The following ORC3 variants were observed in gnomAD, a reference collection of about 807,000 sequenced individuals.
ORC3 encodes the protein origin recognition complex subunit 3.
A neutral mutation model predicts 100.7 loss-of-function variants in ORC3; 78 were observed. That is an observed-to-expected ratio of 0.77 (90% CI 0.65 to 0.94). ORC3 has a LOEUF of 0.94. ORC3 is among the 40% of genes least tolerant of loss of function. The pLI is 0.00. For missense variants in ORC3, 789 were observed against 823.9 expected (o/e 0.96, Z 0.52); for synonymous variants, 295 against 289.3 (o/e 1.02, Z -0.20).
chr6:87,657,814 C>G, intron 15 of ORC3, 107 bp from the exon 16 acceptor site: 1 of 605,762 alleles, frequency 1.7e-6, no homozygotes, highest in East Asian at 2.6e-5. Flanking sequence ...TACATCCTGT[C>G]TTATGGAAAG....
chr6:87,650,895 T>C (rs1344446767), intron 13 of ORC3: 2 of 298,324 alleles, frequency 6.7e-6, no homozygotes, highest in Non-Finnish European at 1.3e-5. Flanking sequence ...TAATCACAGC[T>C]ACTCGGGAGG....
intron 12 of ORC3, among the ~76,000 whole-genome samples, chr6:87,635,885 TA>T (rs1230892628): frequency 6.6e-6 from 1 of 152,178 alleles, no homozygotes; most frequent in Non-Finnish European, 1.5e-5. Context: ...TTTCTTATTT[TA>T]AAATGACCAC....
intron 2 of ORC3, among the ~76,000 whole-genome samples, chr6:87,599,772 T>C (rs559920039): frequency 1.3e-5 from 2 of 148,814 alleles, no homozygotes; most frequent in South Asian, 4.7e-4. Flanking sequence ...GGTCAGGTGT[T>C]CAAGACCAGC....
At chr6:87,673,451 T>C in the ORC3 span, among the ~76,000 whole-genome samples, 1 of 152,062 alleles carries the variant, frequency 6.6e-6, no homozygotes, top group East Asian at 1.9e-4. Flanking sequence ...TGGCTAAATA[T>C]CCTATAATGC....
At chr6:87,616,192 A>C (rs1779139665) in intron 8 of ORC3, 122 bp from the exon 9 acceptor site, 1 of 439,168 alleles carries the variant, frequency 2.3e-6, no homozygotes, top group Non-Finnish European at 4.2e-6. Context: ...ACTAGCTATT[A>C]TTGCAGCTTT....
At chr6:87,648,221 A>C (rs1168839804) in intron 13 of ORC3, among the ~76,000 whole-genome samples, 2 of 151,818 alleles carry the variant, frequency 1.3e-5, no homozygotes, top group South Asian at 2.1e-4. Context: ...AAAACAAAAC[A>C]AAACAAAACC....
At chr6:87,637,510 A>T (rs1024897175) in intron 13 of ORC3, among the ~76,000 whole-genome samples, 2 of 152,210 alleles carry the variant, frequency 1.3e-5, no homozygotes, top group African/African-American at 4.8e-5. Context: ...AAAAATCCCA[A>T]TAAGATTTCT....
intron 4 of ORC3, 124 bp downstream of exon 4, chr6:87,603,652 C>G (rs1182048421): frequency 2.0e-6 from 1 of 501,418 alleles, no homozygotes; most frequent in East Asian, 3.0e-5. Flanking sequence ...CTTATTTGTA[C>G]AATTAAACCA....
chr6:87,635,128 G>A (rs1767715758), intron 12 of ORC3, among the ~76,000 whole-genome samples, 167 bp downstream of exon 12: 1 of 152,090 alleles, frequency 6.6e-6, no homozygotes, highest in South Asian at 2.1e-4. Context: ...AATTGATATT[G>A]TTTTTTTGTT....
In ORC3 at chr6:87,590,139, G is replaced by A. The variant is rs1215905465; in HGVS notation, c.-30G>A. ...CGAGGGCGCGCGGGAAATCCCGAGTGCATCTGGAATACGCAGAGTCAGTAA... is the reference window on the plus strand; with the variant it reads ...CGAGGGCGCGCGGGAAATCCCGAGTACATCTGGAATACGCAGAGTCAGTAA... On this transcript the variant is annotated 5_prime_UTR_variant, in exon 1 of 20. Coordinates refer to ENST00000392844, the MANE Select transcript of ORC3 (RefSeq NM_012381.4). 1.2e-6 allele frequency: 2 copies of A among 1,613,768 alleles called. No individual in the cohort carries two copies. Among genetic ancestry groups the A allele is most frequent in the Non-Finnish European group, 1.7e-6 (2 of 1,179,722 alleles).
chr6:87,616,675 G>A (rs1779175442), intron 9 of ORC3, among the ~76,000 whole-genome samples: 1 of 152,276 alleles, frequency 6.6e-6, no homozygotes, highest in African/African-American at 2.4e-5. Context: ...TTTGGGGGTA[G>A]GGGCAAGCAG....
At chr6:87,597,678 TATACACACAC>T (rs1274847551) in intron 2 of ORC3, among the ~76,000 whole-genome samples, 2 of 136,666 alleles carry the variant, frequency 1.5e-5, no homozygotes, top group African/African-American at 5.9e-5. Context: ...GATATATATA[TATACACACAC>T]ACACACACAC....
chr6:87,602,954 A>ATATAT lies in ORC3; in HGVS notation c.178-430_178-429insTATAT, dbSNP rs1554236515. On this transcript the variant is annotated intron_variant, in intron 3 of 19. Coordinates refer to ENST00000392844, the MANE Select transcript of ORC3 (RefSeq NM_012381.4). The stretch of plus-strand genomic sequence containing the variant: ...CGTTTATATATATATACACATATAT[A>ATATAT]ATATATATATATATATACATATATA... Among the ~76,000 whole-genome samples the ATATAT allele has an allele frequency of 3.0e-3, 283 of 95,236 alleles. 1 individual carries two copies. The highest frequency in any genetic ancestry group is 0.011 in the African/African-American group (256 of 23,758). The allele number at this position is 95,236 out of a possible 152,430, so 62.5% of individuals were successfully genotyped here.
chr6:87,673,860 A>G, the ORC3 span, among the ~76,000 whole-genome samples: 3 of 150,604 alleles, frequency 2.0e-5, no homozygotes, highest in East Asian at 5.9e-4. Flanking sequence ...AGTAGGGGGG[A>G]AGGGCATAGA....
chr6:87,590,485 G>A (rs992650407), intron 1 of ORC3, among the ~76,000 whole-genome samples: 1 of 152,156 alleles, frequency 6.6e-6, no homozygotes, highest in Admixed American at 6.5e-5. Context: ...CACAAATACT[G>A]TGCGCCAAGC....
rs566470541 is a variant in ORC3, at chr6:87,594,475, G to C, written c.79+68G>C. The C allele has an allele frequency of 2.7e-5, 38 of 1,433,862 alleles. 1 individual carries two copies. In the Admixed American group the frequency reaches 7.9e-4, roughly 30 times the overall value. 88.8% of individuals were successfully genotyped at this position (1,433,862 alleles called of 1,614,324 possible). On this transcript the variant is annotated intron_variant, in intron 2 of 19. Transcript: ENST00000392844. ...AAACTATTAGGAACTAACCCTAATTGAATTTAGTAATTCTCTTGTCTAACC... is the reference window on the plus strand; with the variant it reads ...AAACTATTAGGAACTAACCCTAATTCAATTTAGTAATTCTCTTGTCTAACC...
Position 87,667,258 on chromosome 6 carries a change from A to G in ORC3, c.*135A>G. ...AACCCCCATTGATGTTTAACCAGAA[A>G]AGTACATTGCTAACCCCAAACAGGC... On this transcript the variant is annotated 3_prime_UTR_variant, in exon 20 of 20. Transcript: ENST00000392844. 1.8e-6 allele frequency: 1 copy of G among 568,628 alleles called. No homozygotes were observed. The highest frequency in any genetic ancestry group is 3.1e-6 in the Non-Finnish European group (1 of 326,022). The allele number at this position is 568,628 out of a possible 1,614,324, so 35.2% of individuals were successfully genotyped here.
chr6:87,677,690 G>A, the ORC3 span: 6 of 1,184,740 alleles, frequency 5.1e-6, no homozygotes, highest in Non-Finnish European at 7.0e-6. Context: ...TTTCTTTCCT[G>A]AACTGAAATT....
At chr6:87,648,037 T>C (rs1283697825) in intron 13 of ORC3, among the ~76,000 whole-genome samples, 1 of 152,004 alleles carries the variant, frequency 6.6e-6, no homozygotes, top group Non-Finnish European at 1.5e-5. Context: ...GCCTGTCTAC[T>C]AAAAATACAA....
Sources: allele counts gnomAD v4.1 joint callset (sites outside exome capture counted in the v4.1 genomes callset), GRCh38; gene constraint gnomAD v4.1.1; transcripts MANE v1.5; gene names NCBI Gene and HGNC (gene_info 2026-07-23, HGNC 2026-07-21).